ARHGAP25: variants seen among roughly 807,000 people sequenced by gnomAD.
The protein encoded by ARHGAP25 is Rho GTPase activating protein 25, also known as rho GTPase-activating protein 25.
A neutral mutation model predicts 71.0 loss-of-function variants in ARHGAP25; 34 were observed. That is an observed-to-expected ratio of 0.48 (90% CI 0.36 to 0.64). ARHGAP25 has a LOEUF of 0.64. Ranked by LOEUF, ARHGAP25 falls within the 30% of genes least tolerant of loss-of-function variation. The probability of loss-of-function intolerance (pLI) is 0.00; values close to 1 mark genes in which losing one functional copy is unlikely to be tolerated. For synonymous variants in ARHGAP25, 282 were observed against 296.5 expected, an observed-to-expected ratio of 0.95 and a Z score of 0.50; for missense variants, 706 against 805.1, an observed-to-expected ratio of 0.88 and a Z score of 1.49.
At chr2:68,711,267 A>G (rs531022132) in intron 2 of ARHGAP25, among the ~76,000 whole-genome samples, 4 of 152,238 alleles carry the variant, frequency 2.6e-5, no homozygotes, top group African/African-American at 9.6e-5. Context: ...GAATTTTCCC[A>G]TAAGTCCTTC....
intron 10 of ARHGAP25, among the ~76,000 whole-genome samples, chr2:68,824,678 C>T (rs538622312): frequency 1.3e-5 from 2 of 151,962 alleles, no homozygotes; most frequent in East Asian, 1.9e-4. Flanking sequence ...GGAGGCGGAG[C>T]TTGCAGTGAG....
At chr2:68,754,742 C>G (rs1316430507) in intron 1 of ARHGAP25, among the ~76,000 whole-genome samples, 1 of 152,096 alleles carries the variant, frequency 6.6e-6, no homozygotes, top group African/African-American at 2.4e-5. Flanking sequence ...CTCACTGATC[C>G]TTGATATTGT....
At chr2:68,786,466 A>G (rs111617604) in intron 3 of ARHGAP25, among the ~76,000 whole-genome samples, 1 of 152,190 alleles carries the variant, frequency 6.6e-6, no homozygotes, top group Non-Finnish European at 1.5e-5. Context: ...ATTCAGTTCT[A>G]TTATCTATAA....
intron 1 of ARHGAP25, among the ~76,000 whole-genome samples, chr2:68,746,906 G>C (rs1234561541): frequency 6.6e-6 from 1 of 151,674 alleles, no homozygotes; most frequent in Non-Finnish European, 1.5e-5. Flanking sequence ...TACTCGGGAG[G>C]CTGAGGCAGG....
intron 2 of ARHGAP25, among the ~76,000 whole-genome samples, chr2:68,727,943 G>T (rs1482495102): frequency 1.1e-4 from 16 of 152,200 alleles, no homozygotes; most frequent in African/African-American, 3.9e-4. Flanking sequence ...TCACTTAAAA[G>T]TTCTAGAGAA....
chr2:68,762,723 GTTC>G, intron 1 of ARHGAP25, among the ~76,000 whole-genome samples: 1 of 152,274 alleles, frequency 6.6e-6, no homozygotes, highest in African/African-American at 2.4e-5. Context: ...CAAAAATGGT[GTTC>G]TTCTAGTTCT....
At chr2:68,756,244 G>A (rs1044658748) in intron 1 of ARHGAP25, among the ~76,000 whole-genome samples, 2 of 152,254 alleles carry the variant, frequency 1.3e-5, no homozygotes, top group African/African-American at 4.8e-5. Flanking sequence ...GTAGCAGCTT[G>A]TGCTCAACGT....
chr2:68,730,306 T>C (rs1333886987), upstream of ARHGAP25, among the ~76,000 whole-genome samples: 1 of 152,230 alleles, frequency 6.6e-6, no homozygotes, highest in Non-Finnish European at 1.5e-5. Flanking sequence ...ATGGTGATTA[T>C]GCACGGACTT....
At chr2:68,748,954 C>G (rs903218461) in intron 1 of ARHGAP25, among the ~76,000 whole-genome samples, 1 of 152,170 alleles carries the variant, frequency 6.6e-6, no homozygotes, top group Non-Finnish European at 1.5e-5. Context: ...GGAATCCAAA[C>G]ATGAGAATTA....
chr2:68,826,650 C>G lies in ARHGAP25; in HGVS notation c.*456C>G. The G allele has an allele frequency of 3.6e-6, 1 of 278,898 alleles. No individual in the cohort carries two copies. The highest frequency in any genetic ancestry group is 3.5e-5 in the South Asian group (1 of 28,888). The allele number at this position is 278,898 out of a possible 1,614,324, so 17.3% of individuals were successfully genotyped here. A position where few individuals can be genotyped will look rare whatever the true frequency, so the allele number is the denominator to read the frequency against. On this transcript the variant is annotated 3_prime_UTR_variant, in exon 11 of 11. Transcript: ENST00000409202. Reference sequence around the variant, plus strand: ...CTTTTGAGTCCTCATCCATGGAGTGCTGTGTTTGGGGGGCTGCATCTGCTG... The same window carrying G: ...CTTTTGAGTCCTCATCCATGGAGTGGTGTGTTTGGGGGGCTGCATCTGCTG...
chr2:68,811,323 G>A (rs554572014), intron 5 of ARHGAP25, among the ~76,000 whole-genome samples: 10 of 152,322 alleles, frequency 6.6e-5, no homozygotes, highest in Admixed American at 4.6e-4. Context: ...AGAGACAAAT[G>A]GGTGGATTGC....
chr2:68,794,845 T>C (rs1226852333), intron 4 of ARHGAP25, among the ~76,000 whole-genome samples: 1 of 152,090 alleles, frequency 6.6e-6, no homozygotes, highest in Non-Finnish European at 1.5e-5. Context: ...TTCAGGAGGG[T>C]TGGTATTAGA....
At chr2:68,819,044 C>A in intron 8 of ARHGAP25, 79 bp from the exon 9 acceptor site, 1 of 1,286,032 alleles carries the variant, frequency 7.8e-7, no homozygotes, top group Non-Finnish European at 1.1e-6. Flanking sequence ...AGTTTGGAGA[C>A]ATCCACGGGT....
chr2:68,755,728 T>C (rs72895930), intron 1 of ARHGAP25, among the ~76,000 whole-genome samples: 4,760 of 152,296 alleles, frequency 0.031, 252 homozygotes, highest in African/African-American at 0.11. Flanking sequence ...TCACAGTTGA[T>C]ACAATAAGAA....
upstream of ARHGAP25, among the ~76,000 whole-genome samples, chr2:68,733,712 A>G (rs910981519): frequency 2.6e-5 from 4 of 152,230 alleles, no homozygotes; most frequent in Non-Finnish European, 5.9e-5. Context: ...TTTCTCAATG[A>G]AACGGGAACC....
chr2:68,791,420 T>A (rs1055110652), intron 4 of ARHGAP25, among the ~76,000 whole-genome samples: 5 of 152,180 alleles, frequency 3.3e-5, no homozygotes, highest in Non-Finnish European at 1.5e-5. Context: ...TAGGCTCTTC[T>A]CTGTTAGATG....
intron 2 of ARHGAP25, among the ~76,000 whole-genome samples, chr2:68,727,853 G>A (rs867611818): frequency 6.6e-6 from 1 of 152,226 alleles, no homozygotes; most frequent in African/African-American, 2.4e-5. Context: ...GAAGGAGAGG[G>A]AGAGATCTGG....
intron 1 of ARHGAP25, among the ~76,000 whole-genome samples, chr2:68,769,175 A>G (rs1489918556): frequency 6.6e-6 from 1 of 151,782 alleles, no homozygotes; most frequent in Non-Finnish European, 1.5e-5. Context: ...TGTCCAGCCA[A>G]TCTCCCTCTA....
chr2:68,717,402 G>A (rs574766313), intron 2 of ARHGAP25, among the ~76,000 whole-genome samples: 1 of 152,238 alleles, frequency 6.6e-6, no homozygotes, highest in East Asian at 1.9e-4. Flanking sequence ...TCTGGCCCAG[G>A]GTCAGGATGT....
Sources: allele counts gnomAD v4.1 joint callset (sites outside exome capture counted in the v4.1 genomes callset), GRCh38; gene constraint gnomAD v4.1.1; transcripts MANE v1.5; gene names NCBI Gene and HGNC (gene_info 2026-07-23, HGNC 2026-07-21).